The following TADA2A variants were observed in gnomAD, a reference collection of about 807,000 sequenced individuals.
TADA2A encodes the protein transcriptional adapter 2-alpha.
In TADA2A, 38 loss-of-function variants were observed where a neutral mutation model predicts 67.4. That is an observed-to-expected ratio of 0.56 (90% CI 0.44 to 0.74). The LOEUF is 0.74. TADA2A is among the 30% of genes least tolerant of loss of function. The pLI, the probability that TADA2A is intolerant of heterozygous loss-of-function variation, is 0.00. For synonymous variants in TADA2A, 192 were observed against 181.6 expected (o/e 1.06, Z -0.46); for missense variants, 454 against 547.0 (o/e 0.83, Z 1.70).
intron 8 of TADA2A, among the ~76,000 whole-genome samples, chr17:37,457,604 C>A (rs545628545): frequency 1.5e-3 from 222 of 144,164 alleles, no homozygotes; most frequent in African/African-American, 5.5e-3. Context: ...TTGAACGATT[C>A]TCCCACCTCA....
chr17:37,478,335 G>C lies in TADA2A; in HGVS notation c.*1353G>C, dbSNP rs1042565703. ...AGGTGTTGGATGCCTGCCCCATCAC[G>C]CTGCACTGTCTGCTGTCACATGTGT... On this transcript the variant is annotated 3_prime_UTR_variant, in exon 16 of 16. Coordinates refer to ENST00000615182, the MANE Select transcript of TADA2A (RefSeq NM_001166105.3). The C allele has an allele frequency of 1.3e-5, 2 of 152,136 alleles. No homozygotes were observed. Among genetic ancestry groups the C allele is most frequent in the African/African-American group, 4.8e-5 (2 of 41,422 alleles). 9.4% of individuals were successfully genotyped at this position (152,136 alleles called of 1,614,324 possible). A position where few individuals can be genotyped will look rare whatever the true frequency, so the allele number is the denominator to read the frequency against.
At chr17:37,410,895 T>C (rs377196205) in intron 1 of TADA2A, among the ~76,000 whole-genome samples, 96 of 152,176 alleles carry the variant, frequency 6.3e-4, no homozygotes, top group African/African-American at 2.2e-3. Context: ...AGGAGAGAAA[T>C]GATGCTGAGT....
At chr17:37,429,458 A>G (rs2052508081) in intron 4 of TADA2A, among the ~76,000 whole-genome samples, 1 of 152,006 alleles carries the variant, frequency 6.6e-6, no homozygotes, top group Admixed American at 6.6e-5. Flanking sequence ...TTATTGAAAA[A>G]AAAAATAGAG....
At chr17:37,438,795 A>G (rs1335993175) in intron 5 of TADA2A, among the ~76,000 whole-genome samples, 1 of 152,152 alleles carries the variant, frequency 6.6e-6, no homozygotes, top group Non-Finnish European at 1.5e-5. Flanking sequence ...TTTGCTTACC[A>G]TTCTCTCTAA....
intron 1 of TADA2A, among the ~76,000 whole-genome samples, chr17:37,409,240 C>A (rs949255500): frequency 3.9e-5 from 6 of 151,960 alleles, no homozygotes; most frequent in Admixed American, 3.9e-4. Context: ...CGCCCGCCAC[C>A]ACGCCAAGCA....
intron 4 of TADA2A, among the ~76,000 whole-genome samples, chr17:37,434,085 A>G (rs1394947462): frequency 6.6e-6 from 1 of 152,238 alleles, no homozygotes; most frequent in African/African-American, 2.4e-5. Context: ...GGGATCCCAC[A>G]TTGCATTTAG....
At chr17:37,459,159 G>A (rs1429145141) in intron 9 of TADA2A, among the ~76,000 whole-genome samples, 1 of 151,528 alleles carries the variant, frequency 6.6e-6, no homozygotes, top group Non-Finnish European at 1.5e-5. Flanking sequence ...ACGTTATGAT[G>A]AACAATGAAT....
intron 2 of TADA2A, among the ~76,000 whole-genome samples, chr17:37,414,031 T>C (rs2051962040): frequency 6.6e-6 from 1 of 152,114 alleles, no homozygotes; most frequent in South Asian, 2.1e-4. Context: ...CTCATACTTG[T>C]AGGTGAGATC....
chr17:37,474,964 T>C (rs999414239), intron 15 of TADA2A, among the ~76,000 whole-genome samples: 1 of 152,176 alleles, frequency 6.6e-6, no homozygotes, highest in African/African-American at 2.4e-5. Context: ...TTTGTAAACC[T>C]AAAGTAACTT....
At chr17:37,461,986 C>A in intron 9 of TADA2A, 92 bp from the exon 10 acceptor site, 1 of 1,006,274 alleles carries the variant, frequency 9.9e-7, no homozygotes, top group African/African-American at 1.6e-5. Flanking sequence ...TCCACCTCAG[C>A]ATGTTTATGT....
At chr17:37,464,705 C>A (rs968362159) in intron 10 of TADA2A, among the ~76,000 whole-genome samples, 2 of 150,560 alleles carry the variant, frequency 1.3e-5, no homozygotes, top group African/African-American at 4.9e-5. Context: ...TCGAGCATGG[C>A]GGTGTGCCTG....
chr17:37,474,776 A>G (rs2053859594), intron 15 of TADA2A, 147 bp downstream of exon 15: 1 of 855,420 alleles, frequency 1.2e-6, no homozygotes, highest in Non-Finnish European at 1.8e-6. Context: ...GAAGTCCAAG[A>G]GCTAAAGAGC....
chr17:37,430,233 A>G lies in TADA2A; in HGVS notation c.192+3224A>G, dbSNP rs1043056347. Among the ~76,000 whole-genome samples, 13 of 152,208 alleles carry G rather than the reference A, an allele frequency of 8.5e-5. No homozygotes were observed. The East Asian group carries it at 9.6e-4, about 11-fold the overall frequency. On this transcript the variant is annotated intron_variant, in intron 4 of 15. Transcript: ENST00000615182. The stretch of plus-strand genomic sequence containing the variant: ...ACATCATCCTTTTCTCACGTATTCA[A>G]CACCCATACAATCACATTTCAGAGT...
chr17:37,411,477 C>T, intron 2 of TADA2A, 87 bp downstream of exon 2: 1 of 1,307,932 alleles, frequency 7.6e-7, no homozygotes, highest in Non-Finnish European at 1.1e-6. Context: ...GGCTGGGGTA[C>T]AGTGGCATGA....
At chr17:37,449,248 C>G (rs923305445) in intron 8 of TADA2A, among the ~76,000 whole-genome samples, 1 of 152,154 alleles carries the variant, frequency 6.6e-6, no homozygotes, top group African/African-American at 2.4e-5. Context: ...GTCTCGATCT[C>G]CTGACCTCAT....
chr17:37,426,355 A>G (rs563727845), intron 3 of TADA2A: 1 of 152,040 alleles, frequency 6.6e-6, no homozygotes, highest in African/African-American at 2.4e-5. Flanking sequence ...TTGCAGCTGC[A>G]GACAAGATTA....
chr17:37,434,294 C>T (rs547515570), intron 4 of TADA2A, among the ~76,000 whole-genome samples: 143 of 152,232 alleles, frequency 9.4e-4, no homozygotes, highest in African/African-American at 3.2e-3. Context: ...TCATATCAGA[C>T]GATACATAAT....
chr17:37,438,793 C>G (rs75709051), intron 5 of TADA2A, among the ~76,000 whole-genome samples: 1 of 152,086 alleles, frequency 6.6e-6, no homozygotes, highest in Admixed American at 6.6e-5. Context: ...TTTTTGCTTA[C>G]CATTCTCTCT....
At chr17:37,441,917 C>T (rs1233412197) in intron 6 of TADA2A, among the ~76,000 whole-genome samples, 4 of 152,156 alleles carry the variant, frequency 2.6e-5, no homozygotes, top group African/African-American at 4.8e-5. Flanking sequence ...CTGCCCGCCT[C>T]GGCCTCCCAA....
Sources: gnomAD v4.1 joint callset for allele counts (sites outside exome capture counted in the v4.1 genomes callset) on GRCh38, gnomAD v4.1.1 for gene constraint, MANE v1.5 for transcripts, NCBI Gene and HGNC (gene_info 2026-07-23, HGNC 2026-07-21) for gene names.